The following SNX29 variants were observed in gnomAD, a reference collection of about 807,000 sequenced individuals.
The protein encoded by SNX29 is sorting nexin 29.
Under a neutral mutation model 102.1 loss-of-function variants are expected in SNX29, and 78 were observed. The ratio of observed to expected loss-of-function variants is 0.76; its 90% confidence interval spans 0.64 to 0.92. The LOEUF (loss-of-function observed/expected upper bound fraction) is 0.92. Among genes scored for constraint, SNX29 ranks in the 40% least tolerant of loss-of-function variants. SNX29 has a pLI of 0.00. For missense variants in SNX29, 1,280 were observed against 1,061.7 expected, an observed-to-expected ratio of 1.21 and a Z score of -2.86; for synonymous variants, 580 against 414.5, an observed-to-expected ratio of 1.40 and a Z score of -4.85.
chr16:12,270,670 T>A (rs556293674), intron 14 of SNX29, among the ~76,000 whole-genome samples: 2 of 151,842 alleles, frequency 1.3e-5, no homozygotes, highest in African/African-American at 2.4e-5. Flanking sequence ...ATTTATATTT[T>A]TATTTTTTTG....
intron 18 of SNX29, among the ~76,000 whole-genome samples, chr16:12,419,419 C>G (rs1342385322): frequency 1.3e-5 from 2 of 152,138 alleles, no homozygotes; most frequent in Non-Finnish European, 2.9e-5. Context: ...CACTCATTCC[C>G]CATTGACACT....
chr16:12,568,810 A>G lies in SNX29; in HGVS notation c.*181A>G, dbSNP rs191952671. On this transcript the variant is annotated 3_prime_UTR_variant, in exon 21 of 21. Transcript: ENST00000566228. ...CTAATCAGTCTTCGAGCCGCATGAT[A>G]CCGTGACCCGAGAGACCAAGGCAGC... 1.5e-4 allele frequency: 153 copies of G among 991,782 alleles called. 1 individual carries two copies. In the African/African-American group the frequency reaches 2.0e-3, roughly 13 times the overall value. The allele number at this position is 991,782 out of a possible 1,614,324, so 61.4% of individuals were successfully genotyped here. A position where few individuals can be genotyped will look rare whatever the true frequency, so the allele number is the denominator to read the frequency against.
At chr16:12,351,346 G>T (rs1411646978) in intron 15 of SNX29, among the ~76,000 whole-genome samples, 1 of 152,034 alleles carries the variant, frequency 6.6e-6, no homozygotes, top group Admixed American at 6.5e-5. Flanking sequence ...CTGAAAACGG[G>T]TTGTGAGTTT....
At chr16:12,531,799 G>A (rs1421071372) in intron 20 of SNX29, among the ~76,000 whole-genome samples, 1 of 152,222 alleles carries the variant, frequency 6.6e-6, no homozygotes, top group Non-Finnish European at 1.5e-5. Context: ...CCCAGAGCCA[G>A]GCGAGGGCAG....
chr16:12,217,407 A>G (rs900198609), intron 14 of SNX29, among the ~76,000 whole-genome samples: 22 of 152,198 alleles, frequency 1.4e-4, no homozygotes, highest in Admixed American at 1.2e-3. Flanking sequence ...TGGCTTTGCT[A>G]GAGATACGGT....
chr16:12,564,987 G>T (rs947496854), intron 20 of SNX29, among the ~76,000 whole-genome samples: 5 of 151,368 alleles, frequency 3.3e-5, no homozygotes, highest in Middle Eastern at 3.6e-3. Flanking sequence ...TTCAGCTTCC[G>T]ACTACAGCCC....
chr16:12,226,575 T>TTC (rs71408250), intron 14 of SNX29, among the ~76,000 whole-genome samples: 2 of 39,562 alleles, frequency 5.1e-5, no homozygotes, highest in Non-Finnish European at 8.3e-5. Context: ...CTGAGCCTTC[T>TTC]TTTTTTTTTT....
At chr16:12,524,097 G>A (rs1182503357) in intron 19 of SNX29, among the ~76,000 whole-genome samples, 2 of 152,146 alleles carry the variant, frequency 1.3e-5, no homozygotes, top group Admixed American at 6.5e-5. Context: ...GGTTGGTTAG[G>A]CTGGTCTCAA....
chr16:11,976,858 C>T, intron 1 of SNX29, 45 bp downstream of exon 1: 1 of 1,328,762 alleles, frequency 7.5e-7, no homozygotes, highest in Non-Finnish European at 9.6e-7. Context: ...GCCGCCCCGG[C>T]TCCCGCCGCT....
intron 3 of SNX29, among the ~76,000 whole-genome samples, chr16:12,020,021 A>T (rs2056972346): frequency 6.6e-6 from 1 of 152,196 alleles, no homozygotes; most frequent in South Asian, 2.1e-4. Flanking sequence ...TGTTATAAAG[A>T]TATTGACTTA....
At chr16:12,019,591 T>TAGATAGATAGATAG (rs1555520333) in intron 3 of SNX29, among the ~76,000 whole-genome samples, 105 of 142,830 alleles carry the variant, frequency 7.4e-4, no homozygotes, top group Middle Eastern at 3.6e-3. Flanking sequence ...AATATATATA[T>TAGATAGATAGATAG]ATAGATAGAT....
intron 14 of SNX29, among the ~76,000 whole-genome samples, chr16:12,223,731 G>T (rs1305552741): frequency 6.6e-6 from 1 of 152,166 alleles, no homozygotes; most frequent in Non-Finnish European, 1.5e-5. Context: ...TGCCCTGTGG[G>T]TGGGCCCAGC....
At chr16:12,529,685 A>G (rs1013386658) in intron 20 of SNX29, among the ~76,000 whole-genome samples, 3 of 151,548 alleles carry the variant, frequency 2.0e-5, no homozygotes, top group African/African-American at 7.3e-5. Flanking sequence ...CGCCGCCCCC[A>G]TTTGCTGCTG....
intron 18 of SNX29, among the ~76,000 whole-genome samples, chr16:12,410,817 T>C (rs1173282607): frequency 6.6e-6 from 1 of 152,234 alleles, no homozygotes; most frequent in Admixed American, 6.5e-5. Context: ...ATATTAATAA[T>C]AGATCACGGC....
intron 13 of SNX29, among the ~76,000 whole-genome samples, chr16:12,199,358 C>G (rs1042899615): frequency 1.3e-5 from 2 of 152,198 alleles, no homozygotes; most frequent in African/African-American, 4.8e-5. Context: ...TTTGTGGACA[C>G]TGGAACCGAT....
chr16:12,534,040 G>C (rs1374977819), intron 20 of SNX29, among the ~76,000 whole-genome samples: 1 of 152,248 alleles, frequency 6.6e-6, no homozygotes, highest in Non-Finnish European at 1.5e-5. Flanking sequence ...GCATAAGTCT[G>C]TTTAACATGT....
At chr16:12,292,384 C>T (rs969490162) in intron 15 of SNX29, among the ~76,000 whole-genome samples, 3 of 152,162 alleles carry the variant, frequency 2.0e-5, no homozygotes, top group African/African-American at 7.2e-5. Context: ...GAAAGTTCTC[C>T]CTTTTCCTCG....
intron 11 of SNX29, among the ~76,000 whole-genome samples, chr16:12,115,485 T>TTGTGTGTGTG (rs3222983): frequency 0.036 from 5,174 of 141,904 alleles, 174 homozygotes; most frequent in East Asian, 0.09. Flanking sequence ...CCACCTTGAT[T>TTGTGTGTGTG]TGTGTGTGTG....
chr16:12,054,519 A>G (rs903711176), intron 8 of SNX29, among the ~76,000 whole-genome samples: 17 of 152,336 alleles, frequency 1.1e-4, no homozygotes, highest in African/African-American at 3.1e-4. Context: ...CAACAAGTGA[A>G]GGCAGGGAGG....
Sources: gnomAD v4.1 joint callset for allele counts (sites outside exome capture counted in the v4.1 genomes callset) on GRCh38, gnomAD v4.1.1 for gene constraint, MANE v1.5 for transcripts, NCBI Gene and HGNC (gene_info 2026-07-23, HGNC 2026-07-21) for gene names.